Variants in NCMAP observed in about 807,000 individuals in gnomAD.
The protein encoded by NCMAP is noncompact myelin-associated protein.
A neutral mutation model predicts 7.8 loss-of-function variants in NCMAP; 8 were observed. That is an observed-to-expected ratio of 1.02 (90% CI 0.60 to 1.84). The LOEUF is 1.84. Among genes scored for constraint, NCMAP ranks in the 40% most tolerant of loss-of-function variants. The pLI is 0.00. For missense variants in NCMAP, 112 were observed against 131.4 expected (o/e 0.85, Z 0.72); for synonymous variants, 41 against 52.9 (o/e 0.78, Z 0.98).
intron 1 of NCMAP, among the ~76,000 whole-genome samples, chr1:24,568,972 G>A (rs574692674): frequency 6.6e-6 from 1 of 152,084 alleles, no homozygotes; most frequent in Admixed American, 6.6e-5. Flanking sequence ...TTCTTATTGT[G>A]GAGGAAGTTC....
At chr1:24,596,510 C>G (rs1488826697) in intron 2 of NCMAP, among the ~76,000 whole-genome samples, 1 of 152,026 alleles carries the variant, frequency 6.6e-6, no homozygotes, top group African/African-American at 2.4e-5. Context: ...TGGGGAGACA[C>G]CATGTCTACA....
chr1:24,565,572 T>TTGTGTGTG (rs58714256), intron 1 of NCMAP, among the ~76,000 whole-genome samples: 4,525 of 143,658 alleles, frequency 0.031, 86 homozygotes, highest in African/African-American at 0.041. Context: ...TGATAGAAGA[T>TTGTGTGTG]TGTGTGTGTG....
intron 1 of NCMAP, among the ~76,000 whole-genome samples, chr1:24,558,370 C>A (rs1486992076): frequency 6.6e-6 from 1 of 152,192 alleles, no homozygotes; most frequent in African/African-American, 2.4e-5. Context: ...TGGAATGCAT[C>A]CACCCAGGCT....
At chr1:24,564,290 A>G (rs1392709338) in intron 1 of NCMAP, among the ~76,000 whole-genome samples, 1 of 152,070 alleles carries the variant, frequency 6.6e-6, no homozygotes, top group African/African-American at 2.4e-5. Flanking sequence ...CAGGCAGATC[A>G]TTTGAGATCA....
chr1:24,597,571 C>G lies in NCMAP; in HGVS notation c.82+2059C>G, dbSNP rs1439734742. ...GGGAGGAGAAGGGGGGGAGGTTCTC[C>G]TGTAAAAACAAAAGAGAAGAAAGAA... On this transcript the variant is annotated intron_variant, in intron 2 of 3. Transcript: ENST00000374392. Among the ~76,000 whole-genome samples the G allele has an allele frequency of 3.8e-5, 3 of 79,602 alleles. 1 individual carries two copies. Among genetic ancestry groups the G allele is most frequent in the Non-Finnish European group, 7.5e-5 (3 of 40,162 alleles). 52.2% of individuals were successfully genotyped at this position (79,602 alleles called of 152,430 possible). A position where few individuals can be genotyped will look rare whatever the true frequency, so the allele number is the denominator to read the frequency against.
At chr1:24,572,999 C>T (rs60438788) in intron 1 of NCMAP, among the ~76,000 whole-genome samples, 18,641 of 150,410 alleles carry the variant, frequency 0.12, 2,077 homozygotes, top group African/African-American at 0.23. Flanking sequence ...AGCCCATGCC[C>T]AGTGGTGGGC....
chr1:24,567,106 G>A (rs918000099), intron 1 of NCMAP, among the ~76,000 whole-genome samples: 3 of 152,076 alleles, frequency 2.0e-5, no homozygotes, highest in African/African-American at 4.8e-5. Flanking sequence ...GCGTATATTC[G>A]GAGCCAACCC....
intron 1 of NCMAP, among the ~76,000 whole-genome samples, chr1:24,592,257 T>C (rs993336671): frequency 1.3e-5 from 2 of 151,922 alleles, no homozygotes; most frequent in Non-Finnish European, 2.9e-5. Context: ...CAGGGGGAAA[T>C]GATTGTTTTT....
intron 1 of NCMAP, among the ~76,000 whole-genome samples, chr1:24,574,415 G>A (rs1019778989): frequency 1.4e-4 from 21 of 152,164 alleles, no homozygotes; most frequent in Non-Finnish European, 1.8e-4. Context: ...CACCGCGCCC[G>A]GCCAACGGGA....
chr1:24,561,124 G>C (rs540374169), intron 1 of NCMAP, among the ~76,000 whole-genome samples: 10 of 148,090 alleles, frequency 6.8e-5, no homozygotes, highest in African/African-American at 2.5e-4. Flanking sequence ...CCTGAGGTCA[G>C]GAGTTCAAGA....
rs74062061 is a variant in NCMAP at position 24,608,380 on chromosome 1, T to C, written c.*2633T>C. 0.054 allele frequency: 8,293 copies of C among 152,342 alleles called. 770 individuals carry two copies. Among genetic ancestry groups the C allele is most frequent in the African/African-American group, 0.19 (7,852 of 41,450 alleles). 9.4% of individuals were successfully genotyped at this position (152,342 alleles called of 1,614,324 possible). ...GAGATCAGGGTTCTGGCTTCCAGGCTGAAGGTGAGGGAAAAGCCACTTCTA... is the reference window on the plus strand; with the variant it reads ...GAGATCAGGGTTCTGGCTTCCAGGCCGAAGGTGAGGGAAAAGCCACTTCTA... On this transcript the variant is annotated 3_prime_UTR_variant, in exon 4 of 4. Coordinates refer to ENST00000374392, the MANE Select transcript of NCMAP (RefSeq NM_001010980.5).
intron 1 of NCMAP, among the ~76,000 whole-genome samples, 152 bp from the exon 2 acceptor site, chr1:24,595,261 CACCCACGGTAT>C (rs1652182150): frequency 1.3e-5 from 2 of 152,180 alleles, no homozygotes; most frequent in South Asian, 4.1e-4. Flanking sequence ...ATTAAATCCC[CACCCACGGTAT>C]CTAATAATGG....
In NCMAP at chr1:24,608,762, A is replaced by G. The variant is rs12062115; in HGVS notation, c.*3015A>G. The G allele has an allele frequency of 0.054, 8,315 of 152,704 alleles. 774 individuals are homozygous for G. The highest frequency in any genetic ancestry group is 0.19 in the African/African-American group (7,875 of 41,480). The allele number at this position is 152,704 out of a possible 1,614,324, so 9.5% of individuals were successfully genotyped here. On this transcript the variant is annotated 3_prime_UTR_variant, in exon 4 of 4. Coordinates refer to ENST00000374392, the MANE Select transcript of NCMAP (RefSeq NM_001010980.5). The stretch of plus-strand genomic sequence containing the variant: ...AATACAAAAATTAACCAAGCGTGGT[A>G]GTGCACGCCTGTATTCCCAGCTACT...
At chr1:24,565,144 CTTTT>C (rs11368502) in intron 1 of NCMAP, among the ~76,000 whole-genome samples, 14 of 142,632 alleles carry the variant, frequency 9.8e-5, no homozygotes, top group Admixed American at 1.4e-4. Context: ...TTTTATACAC[CTTTT>C]TTTTTTTTTT....
chr1:24,574,232 C>A (rs537237470), intron 1 of NCMAP, among the ~76,000 whole-genome samples: 1 of 150,412 alleles, frequency 6.6e-6, no homozygotes, highest in Non-Finnish European at 1.5e-5. Context: ...GATTCTCCTG[C>A]CTCAGACTGC....
intron 1 of NCMAP, among the ~76,000 whole-genome samples, chr1:24,577,482 C>T (rs1439647500): frequency 7.2e-6 from 1 of 139,668 alleles, no homozygotes; most frequent in East Asian, 2.1e-4. Context: ...ACTACGTTGC[C>T]CAGGCTGGCC....
chr1:24,561,846 G>A (rs1557591402), intron 1 of NCMAP, among the ~76,000 whole-genome samples: 1 of 151,498 alleles, frequency 6.6e-6, no homozygotes, highest in Non-Finnish European at 1.5e-5. Flanking sequence ...GGAGGCAGAG[G>A]TTGCAGTGAG....
intron 1 of NCMAP, among the ~76,000 whole-genome samples, chr1:24,584,095 T>A (rs1401943343): frequency 6.6e-6 from 1 of 152,112 alleles, no homozygotes; most frequent in Non-Finnish European, 1.5e-5. Flanking sequence ...TCCTCTGACA[T>A]ATTCACTGAG....
chr1:24,577,609 C>A (rs930109302), intron 1 of NCMAP, among the ~76,000 whole-genome samples: 3 of 151,724 alleles, frequency 2.0e-5, no homozygotes, highest in Admixed American at 1.3e-4. Flanking sequence ...CACTTGGTTC[C>A]AAAGAGATTG....
Sources: gnomAD v4.1 joint callset for allele counts (sites outside exome capture counted in the v4.1 genomes callset) on GRCh38, gnomAD v4.1.1 for gene constraint, MANE v1.5 for transcripts, NCBI Gene and HGNC (gene_info 2026-07-23, HGNC 2026-07-21) for gene names.